RBM33: variants seen among roughly 807,000 people sequenced by gnomAD.
RBM33 encodes RNA binding motif protein 33, also known as RNA-binding protein 33.
RBM33 carries 28 observed loss-of-function variants against 132.6 expected under a neutral mutation model. The ratio of observed to expected loss-of-function variants is 0.21; its 90% confidence interval spans 0.16 to 0.29. The LOEUF (loss-of-function observed/expected upper bound fraction) is 0.29, where lower values mean the gene tolerates loss of function less well. RBM33 is among the 10% of genes least tolerant of loss of function. The pLI is 1.00. For synonymous variants in RBM33, 634 were observed against 593.0 expected (o/e 1.07, Z -1.01); for missense variants, 1,291 against 1,518.5 (o/e 0.85, Z 2.49).
intron 9 of RBM33, 90 bp downstream of exon 9, chr7:155,718,533 A>G (rs968690473): frequency 3.7e-6 from 4 of 1,071,826 alleles, no homozygotes; most frequent in Non-Finnish European, 5.7e-6. Flanking sequence ...GGTTCCAGCC[A>G]AATATAATTT....
intron 12 of RBM33, 135 bp downstream of exon 12, chr7:155,740,161 TG>T: frequency 1.7e-6 from 2 of 1,180,408 alleles, no homozygotes; most frequent in Non-Finnish European, 2.2e-6. Context: ...TACATAGTTC[TG>T]AAGTGAATCC....
intron 6 of RBM33, among the ~76,000 whole-genome samples, chr7:155,706,549 G>A (rs947219839): frequency 2.6e-5 from 4 of 152,166 alleles, no homozygotes; most frequent in South Asian, 2.1e-4. Context: ...CAGTGGCTAC[G>A]TTTCACTTCA....
chr7:155,741,726 GATTT>G, intron 12 of RBM33, 89 bp from the exon 13 acceptor site: 1 of 1,201,606 alleles, frequency 8.3e-7, no homozygotes, highest in Non-Finnish European at 1.2e-6. Flanking sequence ...TAATTAGAAT[GATTT>G]ATTGTGTTTT....
chr7:155,769,081 CAGTG>C (rs941854067), intron 16 of RBM33, among the ~76,000 whole-genome samples: 1 of 152,162 alleles, frequency 6.6e-6, no homozygotes, highest in African/African-American at 2.4e-5. Context: ...TCTATAGACT[CAGTG>C]AGGAAGAATG....
At chr7:155,736,390 A>C (rs2117021841) in intron 9 of RBM33, among the ~76,000 whole-genome samples, 1 of 152,340 alleles carries the variant, frequency 6.6e-6, no homozygotes, top group Admixed American at 6.5e-5. Context: ...TTTTGATGAT[A>C]GTTAATAGTT....
chr7:155,677,049 G>A (rs923747856), intron 3 of RBM33, among the ~76,000 whole-genome samples: 4 of 152,020 alleles, frequency 2.6e-5, no homozygotes, highest in African/African-American at 7.2e-5. Flanking sequence ...AATTTTTAAA[G>A]CTTTCCTGAA....
chr7:155,762,647 G>T (rs1802073691), intron 14 of RBM33, among the ~76,000 whole-genome samples: 1 of 151,996 alleles, frequency 6.6e-6, no homozygotes, highest in Non-Finnish European at 1.5e-5. Context: ...CCTTCTTTTT[G>T]CAGAGCCCTT....
intron 14 of RBM33, among the ~76,000 whole-genome samples, chr7:155,748,554 A>T (rs547626953): frequency 6.6e-6 from 1 of 152,354 alleles, no homozygotes; most frequent in African/African-American, 2.4e-5. Flanking sequence ...TGTGAATCAA[A>T]TGGAGTTTTC....
chr7:155,677,441 C>T (rs1227359545), intron 3 of RBM33, among the ~76,000 whole-genome samples: 2 of 152,122 alleles, frequency 1.3e-5, no homozygotes, highest in Non-Finnish European at 2.9e-5. Flanking sequence ...AACTCCTGAC[C>T]TCAAGTGATC....
chr7:155,645,824 A>AT (rs1798171600), intron 1 of RBM33, among the ~76,000 whole-genome samples: 1 of 152,172 alleles, frequency 6.6e-6, no homozygotes, highest in African/African-American at 2.4e-5. Flanking sequence ...CTCGAGAAGT[A>AT]TTTTTTAGTA....
In RBM33 at chr7:155,666,763, A is replaced by G. The variant is rs151136375; in HGVS notation, c.122+1510A>G. ...ATTGATTTTAGGGACTGTTTATATTATACTTACTGGAAATTTATTTTTATT... is the reference window on the plus strand; with the variant it reads ...ATTGATTTTAGGGACTGTTTATATTGTACTTACTGGAAATTTATTTTTATT... On this transcript the variant is annotated intron_variant, in intron 2 of 17. Transcript: ENST00000401878. 4.6e-4 allele frequency among the ~76,000 whole-genome samples: 70 copies of G among 152,230 alleles called. No homozygotes were observed. In the Middle Eastern group the frequency reaches 0.014, roughly 30 times the overall value.
rs148504693 is a variant in RBM33 at position 155,732,014 on chromosome 7, C to A, written c.1261-5516C>A. ...AACTGGCACTTCCCTGGCATGAGAA[C>A]TGAGTGACAAAAGGCCAGCTACAGA... On this transcript the variant is annotated intron_variant, in intron 9 of 17. Coordinates refer to ENST00000401878, the MANE Select transcript of RBM33 (RefSeq NM_053043.3). 3.9e-5 allele frequency among the ~76,000 whole-genome samples: 6 copies of A among 152,282 alleles called. No individual in the cohort carries two copies. In the East Asian group the frequency reaches 1.2e-3, roughly 29 times the overall value.
chr7:155,699,213 C>T (rs1799886753), intron 5 of RBM33, among the ~76,000 whole-genome samples: 1 of 152,174 alleles, frequency 6.6e-6, no homozygotes, highest in South Asian at 2.1e-4. Flanking sequence ...GTAGTGATTT[C>T]TTTTCCTCCC....
At position 155,775,157 on chromosome 7, in the gene RBM33, C is replaced by T. The variant is rs534953106; in HGVS notation, c.*116C>T. ...CAGGTCTCTCCGGGCCGCTGTCCTGCGTAACTGTTCTCCAGAGCGCCAGCC... is the reference window on the plus strand; with the variant it reads ...CAGGTCTCTCCGGGCCGCTGTCCTGTGTAACTGTTCTCCAGAGCGCCAGCC... On this transcript the variant is annotated 3_prime_UTR_variant, in exon 18 of 18. Transcript: ENST00000401878. 3.2e-5 allele frequency: 29 copies of T among 915,200 alleles called. No individual in the cohort carries two copies. Among genetic ancestry groups the T allele is most frequent in the East Asian group, 3.0e-4 (12 of 40,392 alleles). The allele number at this position is 915,200 out of a possible 1,614,324, so 56.7% of individuals were successfully genotyped here.
intron 9 of RBM33, among the ~76,000 whole-genome samples, chr7:155,720,050 A>G (rs950866398): frequency 8.7e-4 from 133 of 152,216 alleles, no homozygotes; most frequent in Non-Finnish European, 2.5e-4. Flanking sequence ...GAGAAATTGA[A>G]CTTGCGTTTC....
intron 14 of RBM33, among the ~76,000 whole-genome samples, chr7:155,760,964 T>A (rs571895245): frequency 1.3e-5 from 2 of 152,338 alleles, no homozygotes; most frequent in South Asian, 2.1e-4. Context: ...CGACTCCCAG[T>A]AAGATCGCAC....
At chr7:155,764,786 A>C (rs1187298100) in intron 15 of RBM33, among the ~76,000 whole-genome samples, 1 of 152,226 alleles carries the variant, frequency 6.6e-6, no homozygotes, top group African/African-American at 2.4e-5. Context: ...GGAGAACGGC[A>C]AGTCTGCCCG....
At position 155,739,758 on chromosome 7, in the gene RBM33, C is replaced by G; in HGVS notation, c.1781C>G (p.Pro594Arg). Residue 594 changes from proline (P) to arginine (R), a missense_variant, in exon 12 of 18, where the codon CCT becomes CGT. Pro to Arg is a moderately radical substitution (Grantham distance 103, BLOSUM62 -2). This residue lies in a region of RBM33 where 841 missense variants were observed against 912.0 expected (regional missense o/e 0.92). Transcript: ENST00000401878. ...TTGCCCCCTCCGCATCAGCCTCAGC[C>G]TCAGCAACCTCAGCAACAGCCCCCG... ...PPLPPPHQPQPQQPQQQPPPQ... is the reference protein window; with the variant it reads ...PPLPPPHQPQRQQPQQQPPPQ... The G allele has an allele frequency of 6.5e-7, 1 of 1,545,046 alleles. No homozygotes were observed. Among genetic ancestry groups the G allele is most frequent in the Non-Finnish European group, 8.7e-7 (1 of 1,143,492 alleles).
chr7:155,764,165 A>G (rs540104646), intron 15 of RBM33, 147 bp downstream of exon 15: 33 of 717,664 alleles, frequency 4.6e-5, no homozygotes, highest in Non-Finnish European at 6.8e-5. Context: ...TGGCTTTGAA[A>G]ACGCGTTAAC....
Sources: gnomAD v4.1 joint callset for allele counts (sites outside exome capture counted in the v4.1 genomes callset) on GRCh38, gnomAD v4.1.1 for gene constraint, gnomAD v4.1.1 regional missense constraint, MANE v1.5 for transcripts, NCBI Gene and HGNC (gene_info 2026-07-23, HGNC 2026-07-21) for gene names.